The following SPNS1 variants were observed in gnomAD, a reference collection of about 807,000 sequenced individuals.
SPNS1 encodes the protein protein spinster homolog 1.
In SPNS1, 22 loss-of-function variants were observed where a neutral mutation model predicts 50.3. That is an observed-to-expected ratio of 0.44 (90% confidence interval 0.31 to 0.62). The LOEUF is 0.62. Among genes scored for constraint, SPNS1 ranks in the 20% least tolerant of loss-of-function variants. The pLI, the probability that SPNS1 is intolerant of heterozygous loss-of-function variation, is 0.07. For missense variants in SPNS1, 576 were observed against 728.6 expected (o/e 0.79, Z 2.41); for synonymous variants, 295 against 317.4 (o/e 0.93, Z 0.75).
rs956010064 is a variant in SPNS1 at position 28,984,514 on chromosome 16, A to G, written c.*215A>G. ...GGGGCAGCCCCAAGGGCTCGGTGCT[A>G]TTTGTAACGGAATAAAATTTGTAGC... On this transcript the variant is annotated 3_prime_UTR_variant, in exon 12 of 12. Transcript: ENST00000311008. 20 of 651,470 alleles carry G rather than the reference A, an allele frequency of 3.1e-5. No homozygotes were observed. The highest frequency in any genetic ancestry group is 2.4e-4 in the Middle Eastern group (1 of 4,148). The allele number at this position is 651,470 out of a possible 1,614,324, so 40.4% of individuals were successfully genotyped here. A position where few individuals can be genotyped will look rare whatever the true frequency, so the allele number is the denominator to read the frequency against.
At position 28,974,863 on chromosome 16, in the gene SPNS1, G is replaced by T; in HGVS notation, c.-289G>T. The T allele has an allele frequency of 6.5e-7, 1 of 1,535,286 alleles. No homozygotes were observed. Among genetic ancestry groups the T allele is most frequent in the Non-Finnish European group, 8.7e-7 (1 of 1,146,392 alleles). Reference sequence around the variant, plus strand: ...GCAAGTGCAGCGGGCTCCTACCCCGGGTGAGGGGTGGCCTCCGCGTGGGAT... The same window carrying T: ...GCAAGTGCAGCGGGCTCCTACCCCGTGTGAGGGGTGGCCTCCGCGTGGGAT... On this transcript the variant is annotated 5_prime_UTR_variant, in exon 1 of 12. Transcript: ENST00000311008.
chr16:28,974,921 A>C lies in SPNS1; in HGVS notation c.-231A>C, dbSNP rs556583412. On this transcript the variant is annotated 5_prime_UTR_variant, in exon 1 of 12. Coordinates refer to ENST00000311008, the MANE Select transcript of SPNS1 (RefSeq NM_032038.3). ...TCTTCAGCCCGCTCCTGTCCCCGAC[A>C]TCACGTGTATTCCGCACGTCCCCTC... 162 of 1,518,068 alleles carry C rather than the reference A, an allele frequency of 1.1e-4. 1 individual carries two copies. The Middle Eastern group carries it at 1.7e-3, about 16-fold the overall frequency. The allele number at this position is 1,518,068 out of a possible 1,614,324, so 94.0% of individuals were successfully genotyped here.
Position 28,975,079 on chromosome 16 carries a change from C to T in SPNS1, c.-73C>T, listed in dbSNP as rs1483496792. The T allele has an allele frequency of 6.3e-6, 9 of 1,438,970 alleles. No individual in the cohort carries two copies. In the South Asian group the frequency reaches 1.3e-4, roughly 21 times the overall value. 89.1% of individuals were successfully genotyped at this position (1,438,970 alleles called of 1,614,324 possible). A position where few individuals can be genotyped will look rare whatever the true frequency, so the allele number is the denominator to read the frequency against. Reference sequence around the variant, plus strand: ...GCCTGTGTTCGGTCCATCCTCCTTTCTCCAGCCTCCTCCCCTCGCAGGTGG... The same window carrying T: ...GCCTGTGTTCGGTCCATCCTCCTTTTTCCAGCCTCCTCCCCTCGCAGGTGG... On this transcript the variant is annotated 5_prime_UTR_variant, in exon 1 of 12. Transcript: ENST00000311008.
chr16:28,978,160 C>T, intron 3 of SPNS1, 116 bp downstream of exon 3: 2 of 1,411,962 alleles, frequency 1.4e-6, no homozygotes, highest in South Asian at 1.3e-5. Flanking sequence ...TTTCCCTGGT[C>T]CATGCCATTT....
rs1280902339 is a variant in SPNS1, at chr16:28,984,399, A to G, written c.*100A>G. ...CCCCTTGGCCTGGCCCAGCTTCCAGAGGGACCCTGGGCCGTGTGCCAGCTC... is the reference window on the plus strand; with the variant it reads ...CCCCTTGGCCTGGCCCAGCTTCCAGGGGGACCCTGGGCCGTGTGCCAGCTC... On this transcript the variant is annotated 3_prime_UTR_variant, in exon 12 of 12. Coordinates refer to ENST00000311008, the MANE Select transcript of SPNS1 (RefSeq NM_032038.3). The G allele has an allele frequency of 8.2e-7, 1 of 1,220,782 alleles. No individual in the cohort carries two copies. 75.6% of individuals were successfully genotyped at this position (1,220,782 alleles called of 1,614,324 possible).
rs1176097571 is a variant in SPNS1, at chr16:28,983,825, T to C, written c.1360T>C (p.Leu454=). The change falls in exon 11 of 12, where the codon TTG becomes CTG. Residue 454 remains leucine, a synonymous_variant. Transcript: ENST00000311008. This position sits in a 1 kb window ranked among gnomAD's most constrained non-coding sequence, Gnocchi z 5.4. ...GCGCCGGAACTGGCCCCCCTCCTTC[T>C]TGTCCGAGTTCCGGGCTCTGCAGTT... ...RLRRNWPPSF[L]SEFRALQFSL... is the part of the protein sequence containing the mutation. 6.2e-7 allele frequency: 1 copy of C among 1,604,220 alleles called. No individual in the cohort carries two copies. The highest frequency in any genetic ancestry group is 1.7e-5 in the Admixed American group (1 of 59,756).
At chr16:28,977,306 T>G (rs1160888999) in intron 2 of SPNS1, among the ~76,000 whole-genome samples, 1 of 106,020 alleles carries the variant, frequency 9.4e-6, no homozygotes, top group African/African-American at 4.5e-5. Flanking sequence ...AGAGCGAGAC[T>G]TCGTTTAAAA....
At position 28,975,319 on chromosome 16, in the gene SPNS1, C is replaced by G; in HGVS notation, c.168C>G (p.Gly56=). 1 of 1,584,590 alleles carries G rather than the reference C, an allele frequency of 6.3e-7. No individual in the cohort carries two copies. Among genetic ancestry groups the G allele is most frequent in the Non-Finnish European group, 8.6e-7 (1 of 1,161,952 alleles). The stretch of plus-strand genomic sequence containing the variant: ...AGCGCATCACCGGCCTGTCTCCCGG[C>G]CGTTCGGCTCTCATAGTGGCGGTGC... ...GLQRITGLSP[G]RSALIVAVLC... is the part of the protein sequence containing the mutation. The change falls in exon 1 of 12, where the codon GGC becomes GGG. Residue 56 remains glycine, a synonymous_variant. Transcript: ENST00000311008.
Position 28,984,488 on chromosome 16 carries a change from AG to A in SPNS1, c.*193del. 1 of 706,380 alleles carries A rather than the reference AG, an allele frequency of 1.4e-6. No homozygotes were observed. Among genetic ancestry groups the A allele is most frequent in the Non-Finnish European group, 2.5e-6 (1 of 393,432 alleles). The allele number at this position is 706,380 out of a possible 1,614,324, so 43.8% of individuals were successfully genotyped here. ...GTCCAGGAGGGGGATCCCTCTCCAC[AG>A]GGGCAGCCCCAAGGGCTCGGTGCTA... On this transcript the variant is annotated 3_prime_UTR_variant, in exon 12 of 12. Coordinates refer to ENST00000311008, the MANE Select transcript of SPNS1 (RefSeq NM_032038.3).
Position 28,984,341 on chromosome 16 carries a change from C to A in SPNS1, c.*42C>A. 6.3e-7 allele frequency: 1 copy of A among 1,585,624 alleles called. No homozygotes were observed. The highest frequency in any genetic ancestry group is 8.6e-7 in the Non-Finnish European group (1 of 1,163,746). On this transcript the variant is annotated 3_prime_UTR_variant, in exon 12 of 12. Coordinates refer to ENST00000311008, the MANE Select transcript of SPNS1 (RefSeq NM_032038.3). ...TACCTGCACATCTGCCACAGCTGGCCCTGGGCCCACCCCACGAAGGGCCTG... is the reference window on the plus strand; with the variant it reads ...TACCTGCACATCTGCCACAGCTGGCACTGGGCCCACCCCACGAAGGGCCTG...
Position 28,983,465 on chromosome 16 carries a change from G to A in SPNS1, c.1320+175G>A. 6.6e-6 allele frequency among the ~76,000 whole-genome samples: 1 copy of A among 152,134 alleles called. No individual in the cohort carries two copies. The highest frequency in any genetic ancestry group is 1.9e-4 in the East Asian group (1 of 5,190). On this transcript the variant is annotated intron_variant, in intron 10 of 11. Transcript: ENST00000311008. This position sits in a 1 kb window ranked among gnomAD's most constrained non-coding sequence, Gnocchi z 5.4. ...GAATATTTCTACCAGTAAGGCCAGGGACCTCACCCTGGTGGTCCAAACTCC... is the reference window on the plus strand; with the variant it reads ...GAATATTTCTACCAGTAAGGCCAGGAACCTCACCCTGGTGGTCCAAACTCC...
In SPNS1 at chr16:28,984,209, G is replaced by A. The variant is rs1174169129; in HGVS notation, c.1497G>A (p.Leu499=). Residue 499 remains leucine, a synonymous_variant, in exon 12 of 12, where the codon CTG becomes CTA. Coordinates refer to ENST00000311008, the MANE Select transcript of SPNS1 (RefSeq NM_032038.3). ...RRRAQLHVQG[L]LHEAGSTDDR... ...GCTCTGACCCTCCCCCCTCAGGCCT[G>A]CTGCACGAAGCAGGGTCCACAGACG... The A allele has an allele frequency of 6.3e-7, 1 of 1,576,158 alleles. No homozygotes were observed. The highest frequency in any genetic ancestry group is 2.2e-5 in the East Asian group (1 of 44,456).
Position 28,982,908 on chromosome 16 carries a change from G to A in SPNS1, c.1207G>A (p.Ala403Thr), listed in dbSNP as rs947470890. The A allele has an allele frequency of 1.2e-6, 2 of 1,613,706 alleles. No homozygotes were observed. The highest frequency in any genetic ancestry group is 2.7e-5 in the African/African-American group (2 of 74,820). The change falls in exon 9 of 12, where the codon GCC becomes ACC. Residue 403 changes from alanine (A) to threonine (T), a missense_variant. Around this residue, in one of 3 missense-constraint regions of SPNS1, gnomAD observed 428 missense variants for 520.1 expected, o/e 0.82. Coordinates refer to ENST00000311008, the MANE Select transcript of SPNS1 (RefSeq NM_032038.3). ...TLLSMNWAIV[A>T]DILLYVVIPT... is the part of the protein sequence containing the mutation. ...CCTGTCCATGAACTGGGCCATCGTG[G>A]CCGACATTCTGCTGGTGAGTTGCTG... is the stretch of plus-strand genomic sequence containing the variant.
chr16:28,981,337 G>C lies in SPNS1; in HGVS notation c.664-133G>C. 2 of 1,201,908 alleles carry C rather than the reference G, an allele frequency of 1.7e-6. No homozygotes were observed. Among genetic ancestry groups the C allele is most frequent in the Admixed American group, 2.5e-5 (1 of 39,348 alleles). 74.5% of individuals were successfully genotyped at this position (1,201,908 alleles called of 1,614,324 possible). A position where few individuals can be genotyped will look rare whatever the true frequency, so the allele number is the denominator to read the frequency against. ...CCCCCTTCCCCCAGATTGCAGGTTC[G>C]GCTTCTTGGAGCAGGCACTTAACTG... On this transcript the variant is annotated intron_variant, in intron 5 of 11. Transcript: ENST00000311008. The surrounding 1 kb of genome is among the most constrained non-coding windows in gnomAD (Gnocchi z 4.2).
intron 3 of SPNS1, chr16:28,978,915 G>A (rs1965437723): frequency 5.3e-6 from 3 of 567,056 alleles, no homozygotes; most frequent in Non-Finnish European, 6.2e-6. Flanking sequence ...CAATAGCTCT[G>A]TGAAAAGTTG....
chr16:28,984,733 G>T (rs1164454527), downstream of SPNS1: 8 of 833,420 alleles, frequency 9.6e-6, no homozygotes, highest in East Asian at 1.9e-4. Context: ...CGTGAGTCAC[G>T]CCCCTGCTTC....
At position 28,983,438 on chromosome 16, in the gene SPNS1, T is replaced by C. The variant is rs1003654262; in HGVS notation, c.1320+148T>C. The C allele has an allele frequency of 1.4e-6, 1 of 702,014 alleles. No individual in the cohort carries two copies. Among genetic ancestry groups the C allele is most frequent in the African/African-American group, 1.8e-5 (1 of 56,164 alleles). The allele number at this position is 702,014 out of a possible 1,614,324, so 43.5% of individuals were successfully genotyped here. A position where few individuals can be genotyped will look rare whatever the true frequency, so the allele number is the denominator to read the frequency against. On this transcript the variant is annotated intron_variant, in intron 10 of 11. Transcript: ENST00000311008. The surrounding 1 kb of genome is among the most constrained non-coding windows in gnomAD (Gnocchi z 5.4). Reference sequence around the variant, plus strand: ...CAACTGGAGGAGAAAGATTTTGTCTTTGAATATTTCTACCAGTAAGGCCAG... The same window carrying C: ...CAACTGGAGGAGAAAGATTTTGTCTCTGAATATTTCTACCAGTAAGGCCAG...
intron 3 of SPNS1, chr16:28,978,440 C>T: frequency 5.6e-6 from 1 of 179,384 alleles, no homozygotes; most frequent in Non-Finnish European, 1.2e-5. Flanking sequence ...CGCCTGCTCA[C>T]CCCTCGAGCG....
chr16:28,977,301 G>T (rs1412322697), intron 2 of SPNS1, among the ~76,000 whole-genome samples: 1 of 139,318 alleles, frequency 7.2e-6, no homozygotes, highest in Admixed American at 7.4e-5. Flanking sequence ...ACAACAGAGC[G>T]AGACTTCGTT....
Sources: allele counts gnomAD v4.1 joint callset (sites outside exome capture counted in the v4.1 genomes callset), GRCh38; gene constraint gnomAD v4.1.1; regional missense constraint gnomAD v4.1.1; non-coding constraint Gnocchi (gnomAD v3.1); transcripts MANE v1.5; gene names NCBI Gene and HGNC (gene_info 2026-07-23, HGNC 2026-07-21).